The following PLCL1 variants were observed in gnomAD, a reference collection of about 807,000 sequenced individuals.
PLCL1 encodes phospholipase C like 1 (inactive), also known as inactive phospholipase C-like protein 1.
A neutral mutation model predicts 84.4 loss-of-function variants in PLCL1; 41 were observed. The ratio of observed to expected loss-of-function variants is 0.49; its 90% confidence interval spans 0.38 to 0.63. PLCL1 has a LOEUF of 0.63. Among genes scored for constraint, PLCL1 ranks in the 30% least tolerant of loss-of-function variants. The pLI is 0.00. For synonymous variants in PLCL1, 490 were observed against 488.3 expected (o/e 1.00, Z -0.05); for missense variants, 1,206 against 1,367.8 (o/e 0.88, Z 1.87).
intron 1 of PLCL1, among the ~76,000 whole-genome samples, chr2:197,878,399 T>C (rs1048643780): frequency 2.0e-5 from 3 of 152,166 alleles, no homozygotes; most frequent in African/African-American, 4.8e-5. Context: ...TTTGAATTGG[T>C]TACTTCATAT....
chr2:198,130,599 G>A (rs576304786), intron 5 of PLCL1, among the ~76,000 whole-genome samples: 1 of 152,190 alleles, frequency 6.6e-6, no homozygotes, highest in Admixed American at 6.5e-5. Flanking sequence ...GTCTCCAGCT[G>A]TGCTTATCCC....
chr2:198,040,646 C>T (rs1691637914), intron 1 of PLCL1, among the ~76,000 whole-genome samples: 1 of 152,078 alleles, frequency 6.6e-6, no homozygotes, highest in Non-Finnish European at 1.5e-5. Flanking sequence ...CTTCATTTGG[C>T]CCCAGGAGGA....
chr2:197,832,268 A>G (rs1691083345), intron 1 of PLCL1, among the ~76,000 whole-genome samples: 1 of 152,194 alleles, frequency 6.6e-6, no homozygotes, highest in Non-Finnish European at 1.5e-5. Flanking sequence ...CCAGACTAAT[A>G]AAGAAGAAAA....
Position 198,084,951 on chromosome 2 carries a change from T to C in PLCL1, c.1434T>C (p.Phe478=). 6.2e-7 allele frequency: 1 copy of C among 1,614,058 alleles called. No individual in the cohort carries two copies. The highest frequency in any genetic ancestry group is 1.3e-5 in the African/African-American group (1 of 75,030). The change falls in exon 2 of 6, where the codon TTT becomes TTC. Residue 478 remains phenylalanine (F), a synonymous_variant. Transcript: ENST00000428675. ...GTGTCATAGAGGTAATAAATAAATT[T>C]GCCTTTGTTGCTTCTGAATACCCAC... The part of the protein sequence containing the change: ...FRSVIEVINK[F]AFVASEYPLI...
chr2:198,102,477 A>G (rs1693370866), intron 4 of PLCL1, among the ~76,000 whole-genome samples: 1 of 152,058 alleles, frequency 6.6e-6, no homozygotes, highest in Non-Finnish European at 1.5e-5. Context: ...CTTAGGCTGC[A>G]TTAATAAAAA....
chr2:197,935,770 AAG>A (rs1352530037), intron 1 of PLCL1, among the ~76,000 whole-genome samples: 2 of 151,088 alleles, frequency 1.3e-5, no homozygotes, highest in Non-Finnish European at 2.9e-5. Context: ...TAAAAGTTAA[AAG>A]AGAATCTCTC....
At position 197,899,636 on chromosome 2, in the gene PLCL1, TTTC is replaced by T. The variant is rs1559039382; in HGVS notation, c.240+94300_240+94302del. 1.9e-4 allele frequency among the ~76,000 whole-genome samples: 3 copies of T among 15,846 alleles called. 1 individual carries two copies. Among genetic ancestry groups the T allele is most frequent in the African/African-American group, 2.2e-3 (2 of 894 alleles). 10.4% of individuals were successfully genotyped at this position (15,846 alleles called of 152,430 possible). A position where few individuals can be genotyped will look rare whatever the true frequency, so the allele number is the denominator to read the frequency against. ...AGGGCCTTGGCACATGAGTTCTTTC[TTTC>T]TTTTTTTTTTTTTTGAGACGGAGTC... On this transcript the variant is annotated intron_variant, in intron 1 of 5. Transcript: ENST00000428675.
chr2:197,941,912 T>C (rs1026971575), intron 1 of PLCL1, among the ~76,000 whole-genome samples: 1 of 152,150 alleles, frequency 6.6e-6, no homozygotes, highest in Non-Finnish European at 1.5e-5. Flanking sequence ...CTGTTAGTCA[T>C]GACCTCCCAG....
chr2:198,023,106 C>T (rs1204529216), intron 1 of PLCL1, among the ~76,000 whole-genome samples: 4 of 152,152 alleles, frequency 2.6e-5, no homozygotes, highest in African/African-American at 9.7e-5. Flanking sequence ...ACATCTACAA[C>T]CATCTGATCT....
rs563894463 is a variant in PLCL1 at position 197,837,564 on chromosome 2, T to A, written c.240+32225T>A. On this transcript the variant is annotated intron_variant, in intron 1 of 5. Transcript: ENST00000428675. ...AGAAGATAGATATCAAAAATCCAACTTGGCTAAGCTAAGGATGGGAACTGA... is the reference window on the plus strand; with the variant it reads ...AGAAGATAGATATCAAAAATCCAACATGGCTAAGCTAAGGATGGGAACTGA... Among the ~76,000 whole-genome samples the A allele has an allele frequency of 2.1e-4, 32 of 152,186 alleles. No homozygotes were observed. The South Asian group carries it at 2.7e-3, about 13-fold the overall frequency.
chr2:198,111,847 A>T (rs554529204), intron 5 of PLCL1, among the ~76,000 whole-genome samples: 3 of 151,884 alleles, frequency 2.0e-5, no homozygotes, highest in Admixed American at 6.6e-5. Context: ...AGCACTTTCT[A>T]TGTATCAAGT....
chr2:197,890,350 C>G (rs1275741006), intron 1 of PLCL1, among the ~76,000 whole-genome samples: 1 of 152,084 alleles, frequency 6.6e-6, no homozygotes, highest in Non-Finnish European at 1.5e-5. Flanking sequence ...CTAAGGACAA[C>G]CCATTTCCTA....
rs771546288 is a variant in PLCL1, at chr2:198,088,855, C to T, written c.2716-3C>T. Reference sequence around the variant, plus strand: ...GTGTGATTCCATGTTTTCTTCCTCACAGAATGCAATCGTGTCTATTAAGGA... The same window carrying T: ...GTGTGATTCCATGTTTTCTTCCTCATAGAATGCAATCGTGTCTATTAAGGA... On this transcript the variant is annotated splice_polypyrimidine_tract_variant and splice_region_variant and intron_variant, in intron 2 of 5. Coordinates refer to ENST00000428675, the MANE Select transcript of PLCL1 (RefSeq NM_006226.4). 3 of 1,588,786 alleles carry T rather than the reference C, an allele frequency of 1.9e-6. No homozygotes were observed. Among genetic ancestry groups the T allele is most frequent in the Non-Finnish European group, 2.6e-6 (3 of 1,157,032 alleles).
chr2:198,149,727 T>C lies in PLCL1; in HGVS notation c.*2765T>C, dbSNP rs775783911. 1 of 152,132 alleles carries C rather than the reference T, an allele frequency of 6.6e-6. No individual in the cohort carries two copies. Among genetic ancestry groups the C allele is most frequent in the Admixed American group, 6.5e-5 (1 of 15,272 alleles). 9.4% of individuals were successfully genotyped at this position (152,132 alleles called of 1,614,324 possible). ...ATATCCCTTTAGACACTGTTTAGAG[T>C]TTATACATATATGTAAATATGCTTG... On this transcript the variant is annotated 3_prime_UTR_variant, in exon 6 of 6. Transcript: ENST00000428675.
chr2:197,813,076 A>G (rs536623572), intron 1 of PLCL1, among the ~76,000 whole-genome samples: 1 of 152,316 alleles, frequency 6.6e-6, no homozygotes, highest in East Asian at 1.9e-4. Context: ...AGTCAGAGAC[A>G]TGGTCAGCAG....
rs138783859 is a variant in PLCL1 at position 198,029,505 on chromosome 2, G to T, written c.241-54253G>T. ...TTGTGTATTGTTATCTCTATACCCC[G>T]AAGAACAACTGGAGTGCAGGAAAAG... On this transcript the variant is annotated intron_variant, in intron 1 of 5. Transcript: ENST00000428675. 3.0e-3 allele frequency among the ~76,000 whole-genome samples: 455 copies of T among 152,142 alleles called. 2 individuals carry two copies. The highest frequency in any genetic ancestry group is 0.01 in the African/African-American group (433 of 41,512).
chr2:198,064,133 G>A (rs1249883192), intron 1 of PLCL1, among the ~76,000 whole-genome samples: 1 of 152,260 alleles, frequency 6.6e-6, no homozygotes, highest in East Asian at 1.9e-4. Context: ...GGGAGCTCTG[G>A]GAGACAGGCA....
At chr2:198,036,676 C>T (rs1229410543) in intron 1 of PLCL1, among the ~76,000 whole-genome samples, 1 of 152,088 alleles carries the variant, frequency 6.6e-6, no homozygotes, top group Non-Finnish European at 1.5e-5. Context: ...CTCCATGGTT[C>T]ATACATCAAA....
At chr2:197,973,705 A>C (rs1031044639) in intron 1 of PLCL1, among the ~76,000 whole-genome samples, 3 of 152,190 alleles carry the variant, frequency 2.0e-5, no homozygotes, top group Non-Finnish European at 4.4e-5. Context: ...GTGTGGCCGG[A>C]GTACATGAGC....
Sources: gnomAD v4.1 joint callset for allele counts (sites outside exome capture counted in the v4.1 genomes callset) on GRCh38, gnomAD v4.1.1 for gene constraint, MANE v1.5 for transcripts, NCBI Gene and HGNC (gene_info 2026-07-23, HGNC 2026-07-21) for gene names.